The following PHACTR2 variants were observed in gnomAD, a reference collection of about 807,000 sequenced individuals.
The protein encoded by PHACTR2 is phosphatase and actin regulator 2.
A neutral mutation model predicts 76.0 loss-of-function variants in PHACTR2; 30 were observed. The ratio of observed to expected loss-of-function variants is 0.39; its 90% CI spans 0.30 to 0.54. The LOEUF is 0.54. Among genes scored for constraint, PHACTR2 ranks in the 20% least tolerant of loss-of-function variants. The probability of loss-of-function intolerance (pLI) is 0.61; values close to 1 mark genes in which losing one functional copy is unlikely to be tolerated. For missense variants in PHACTR2, 696 were observed against 781.1 expected, an observed-to-expected ratio of 0.89 and a Z score of 1.30; for synonymous variants, 292 against 292.5, an observed-to-expected ratio of 1.00 and a Z score of 0.02.
At chr6:143,805,408 G>T (rs1288245933) in intron 11 of PHACTR2, among the ~76,000 whole-genome samples, 1 of 150,466 alleles carries the variant, frequency 6.6e-6, no homozygotes, top group African/African-American at 2.4e-5. Context: ...GAACCTGGGA[G>T]GCGGAGGTTG....
In PHACTR2 at chr6:143,562,583, A is replaced by T. The variant is rs1255659907; in HGVS notation, c.217+25376A>T. Reference sequence around the variant, plus strand: ...TTGGGTGGGGACAAATATCCAAACTATATCACTTGACTGCCTCTCCAGTGT... The same window carrying T: ...TTGGGTGGGGACAAATATCCAAACTTTATCACTTGACTGCCTCTCCAGTGT... On this transcript the variant is annotated intron_variant, in intron 1 of 11. Coordinates refer to the PHACTR2 transcript ENST00000367584. This position sits in a 1 kb window ranked among gnomAD's most constrained non-coding sequence, Gnocchi z 5.1. 6.6e-6 allele frequency among the ~76,000 whole-genome samples: 1 copy of T among 152,146 alleles called. No individual in the cohort carries two copies. Among genetic ancestry groups the T allele is most frequent in the Non-Finnish European group, 1.5e-5 (1 of 68,028 alleles).
upstream of PHACTR2, among the ~76,000 whole-genome samples, chr6:143,675,027 C>T (rs79882414): frequency 0.019 from 2,959 of 152,226 alleles, 79 homozygotes; most frequent in African/African-American, 0.067. The surrounding 1 kb of genome is among the most constrained non-coding windows in gnomAD (Gnocchi z 4.9). Flanking sequence ...TTGGGTACCC[C>T]AGGTGGGTGA....
Position 143,811,197 on chromosome 6 carries a change from C to T in PHACTR2, c.1922+4064C>T, listed in dbSNP as rs1355914783. ...AAATCAGTAGTTGATTCTCTCAATG[C>T]CACTTTTTTCCCTGTGGATGTGAAA... On this transcript the variant is annotated intron_variant, in intron 12 of 12. Transcript: ENST00000440869. The surrounding 1 kb of genome is among the most constrained non-coding windows in gnomAD (Gnocchi z 4.1). Among the ~76,000 whole-genome samples, 2 of 152,142 alleles carry T rather than the reference C, an allele frequency of 1.3e-5. No individual in the cohort carries two copies. The highest frequency in any genetic ancestry group is 4.8e-5 in the African/African-American group (2 of 41,442).
chr6:143,647,296 T>A lies in PHACTR2; in HGVS notation c.13+38974T>A, dbSNP rs889172269. On this transcript the variant is annotated intron_variant, in intron 1 of 11. Transcript: ENST00000305766. This position sits in a 1 kb window ranked among gnomAD's most constrained non-coding sequence, Gnocchi z 4.2. ...CTGAAAGCTAAAAAGCTTGCTAAAG[T>A]CACGTGGCTAATGAGTAATAACAAG... Among the ~76,000 whole-genome samples the A allele has an allele frequency of 6.6e-6, 1 of 152,188 alleles. No individual in the cohort carries two copies. Among genetic ancestry groups the A allele is most frequent in the Non-Finnish European group, 1.5e-5 (1 of 68,026 alleles).
At chr6:143,720,120 G>A (rs541030435) in intron 2 of PHACTR2, among the ~76,000 whole-genome samples, 5 of 152,142 alleles carry the variant, frequency 3.3e-5, no homozygotes, top group Admixed American at 6.5e-5. Flanking sequence ...CCAAGTGTTC[G>A]ACACTTCTTT....
intron 1 of PHACTR2, among the ~76,000 whole-genome samples, chr6:143,572,134 T>C (rs919964344): frequency 6.6e-6 from 1 of 152,244 alleles, no homozygotes; most frequent in Non-Finnish European, 1.5e-5. Context: ...TCCAATATCT[T>C]TTAGACTTTT....
Position 143,671,412 on chromosome 6 carries a change from C to T in PHACTR2, c.14-40604C>T, listed in dbSNP as rs1481388174. 1.3e-5 allele frequency among the ~76,000 whole-genome samples: 2 copies of T among 152,182 alleles called. No homozygotes were observed. The highest frequency in any genetic ancestry group is 2.9e-5 in the Non-Finnish European group (2 of 68,034). Reference sequence around the variant, plus strand: ...TTGGAACACCTCTCCCCCAGATAGCCATATGGTTAACTCCATTACCTCCTT... The same window carrying T: ...TTGGAACACCTCTCCCCCAGATAGCTATATGGTTAACTCCATTACCTCCTT... On this transcript the variant is annotated intron_variant, in intron 1 of 11. Coordinates refer to the PHACTR2 transcript ENST00000305766. The surrounding 1 kb of genome is among the most constrained non-coding windows in gnomAD (Gnocchi z 4.6).
At chr6:143,687,075 G>A (rs980096006) in intron 1 of PHACTR2, among the ~76,000 whole-genome samples, 1 of 152,048 alleles carries the variant, frequency 6.6e-6, no homozygotes. Flanking sequence ...TAGTCTGTTC[G>A]ATAATAATGT....
At chr6:143,718,875 GTTTTTT>G (rs1226236202) in intron 2 of PHACTR2, among the ~76,000 whole-genome samples, 8 of 123,578 alleles carry the variant, frequency 6.5e-5, no homozygotes, top group Admixed American at 1.8e-4. Flanking sequence ...AGTTGGAAGT[GTTTTTT>G]TTTTTTTTTT....
Position 143,589,525 on chromosome 6 carries a change from G to A in PHACTR2, c.217+52318G>A, listed in dbSNP as rs903603269. Among the ~76,000 whole-genome samples the A allele has an allele frequency of 2.0e-5, 3 of 152,082 alleles. No individual in the cohort carries two copies. The highest frequency in any genetic ancestry group is 4.4e-5 in the Non-Finnish European group (3 of 68,012). ...TTTCTTTATTAATTACTCAGTCTCA[G>A]GTAGTTCTTGCAATGCGAGAACAGA... On this transcript the variant is annotated intron_variant, in intron 1 of 11. Transcript: ENST00000367584. This position sits in a 1 kb window ranked among gnomAD's most constrained non-coding sequence, Gnocchi z 4.4.
At chr6:143,686,509 A>G (rs1777528930) in intron 1 of PHACTR2, among the ~76,000 whole-genome samples, 1 of 81,868 alleles carries the variant, frequency 1.2e-5, no homozygotes, top group Admixed American at 1.4e-4. Context: ...TTTTTTTGAG[A>G]CAGAGTCTCG....
At chr6:143,622,420 C>A (rs1320647463) in intron 1 of PHACTR2, among the ~76,000 whole-genome samples, 1 of 152,200 alleles carries the variant, frequency 6.6e-6, no homozygotes, top group Non-Finnish European at 1.5e-5. Flanking sequence ...GGTCTCCCCA[C>A]TGGCCAGGAA....
rs1384528782 is a variant in PHACTR2 at position 143,648,873 on chromosome 6, T to C, written c.13+40551T>C. Among the ~76,000 whole-genome samples, 1 of 136,210 alleles carries C rather than the reference T, an allele frequency of 7.3e-6. No homozygotes were observed. Among genetic ancestry groups the C allele is most frequent in the Admixed American group, 7.4e-5 (1 of 13,576 alleles). 89.4% of individuals were successfully genotyped at this position (136,210 alleles called of 152,430 possible). ...ATGTGTCCATGTGTGTGTCTATGCATATGTGTCTATGTATGTTTGTGTGTG... is the reference window on the plus strand; with the variant it reads ...ATGTGTCCATGTGTGTGTCTATGCACATGTGTCTATGTATGTTTGTGTGTG... On this transcript the variant is annotated intron_variant, in intron 1 of 11. Coordinates refer to the PHACTR2 transcript ENST00000305766. The surrounding 1 kb of genome is among the most constrained non-coding windows in gnomAD (Gnocchi z 6.7).
chr6:143,723,018 A>G (rs894358896), intron 2 of PHACTR2, among the ~76,000 whole-genome samples: 4 of 152,128 alleles, frequency 2.6e-5, no homozygotes, highest in Non-Finnish European at 5.9e-5. Flanking sequence ...TTCTTTACCC[A>G]TTCATCTGTT....
rs1776177235 is a variant in PHACTR2 at position 143,811,742 on chromosome 6, A to G, written c.1922+4609A>G. ...AGTAGGGATATAGTTTGTCTCCAAG[A>G]CATAAAAATAATGCTTATGATTTTC... On this transcript the variant is annotated intron_variant, in intron 12 of 12. Coordinates refer to ENST00000440869, the MANE Select transcript of PHACTR2 (RefSeq NM_001100164.2). This position sits in a 1 kb window ranked among gnomAD's most constrained non-coding sequence, Gnocchi z 4.1. Among the ~76,000 whole-genome samples, 1 of 152,190 alleles carries G rather than the reference A, an allele frequency of 6.6e-6. No individual in the cohort carries two copies. The highest frequency in any genetic ancestry group is 1.5e-5 in the Non-Finnish European group (1 of 68,026).
intron 1 of PHACTR2, among the ~76,000 whole-genome samples, chr6:143,544,093 AATTCCTCTTCCCTGAGG>A (rs1667920709): frequency 6.6e-6 from 1 of 152,122 alleles, no homozygotes; most frequent in Non-Finnish European, 1.5e-5. Flanking sequence ...CAGAGACTAG[AATTCCTCTTCCCTGAGG>A]TGGGTTGTAG....
rs577911047 is a variant in PHACTR2 at position 143,656,415 on chromosome 6, T to C, written c.13+48093T>C. On this transcript the variant is annotated intron_variant, in intron 1 of 11. Coordinates refer to the PHACTR2 transcript ENST00000305766. This position sits in a 1 kb window ranked among gnomAD's most constrained non-coding sequence, Gnocchi z 5.3. ...ACATAAAATACACTAACACTAATGATAGTGGATGAGATTTTTTTTTAATTG... is the reference window on the plus strand; with the variant it reads ...ACATAAAATACACTAACACTAATGACAGTGGATGAGATTTTTTTTTAATTG... Among the ~76,000 whole-genome samples the C allele has an allele frequency of 2.5e-3, 388 of 152,320 alleles. 4 individuals carry two copies. Among genetic ancestry groups the C allele is most frequent in the Non-Finnish European group, 4.7e-3 (323 of 68,028 alleles).
intron 6 of PHACTR2, among the ~76,000 whole-genome samples, chr6:143,769,696 T>A (rs1775044410): frequency 6.6e-6 from 1 of 152,164 alleles, no homozygotes; most frequent in African/African-American, 2.4e-5. Context: ...ATCAATATGA[T>A]AATTAATTAG....
In PHACTR2 at chr6:143,783,859, TA is replaced by T. The variant is rs1399415339; in HGVS notation, c.1707+585del. Among the ~76,000 whole-genome samples the T allele has an allele frequency of 6.6e-6, 1 of 152,094 alleles. No individual in the cohort carries two copies. Among genetic ancestry groups the T allele is most frequent in the Non-Finnish European group, 1.5e-5 (1 of 68,010 alleles). ...CATTTCAATGCATGTATTTCCATTTTAAAAAATTGTTTTGAGTCAGGTGCAA... is the reference window on the plus strand; with the variant it reads ...CATTTCAATGCATGTATTTCCATTTTAAAAATTGTTTTGAGTCAGGTGCAA... On this transcript the variant is annotated intron_variant, in intron 10 of 12. Coordinates refer to ENST00000440869, the MANE Select transcript of PHACTR2 (RefSeq NM_001100164.2). The surrounding 1 kb of genome is among the most constrained non-coding windows in gnomAD (Gnocchi z 5.2).
Sources: allele counts gnomAD v4.1 joint callset (sites outside exome capture counted in the v4.1 genomes callset), GRCh38; gene constraint gnomAD v4.1.1; non-coding constraint Gnocchi (gnomAD v3.1); transcripts MANE v1.5; gene names NCBI Gene and HGNC (gene_info 2026-07-23, HGNC 2026-07-21).